Variants in BIVM observed in about 807,000 individuals in gnomAD.
BIVM encodes the protein basic, immunoglobulin-like variable motif containing, also known as basic immunoglobulin-like variable motif-containing protein.
BIVM carries 31 observed loss-of-function variants against 61.4 expected under a neutral mutation model. The ratio of observed to expected loss-of-function variants is 0.51; its 90% confidence interval spans 0.38 to 0.68. The LOEUF (loss-of-function observed/expected upper bound fraction) is 0.68. Ranked by LOEUF, BIVM falls within the 30% of genes least tolerant of loss-of-function variation. The pLI, the probability that BIVM is intolerant of heterozygous loss-of-function variation, is 0.00. For synonymous variants in BIVM, 189 were observed against 210.7 expected, an observed-to-expected ratio of 0.90 and a Z score of 0.89; for missense variants, 526 against 596.0, an observed-to-expected ratio of 0.88 and a Z score of 1.22.
intron 3 of BIVM, among the ~76,000 whole-genome samples, chr13:102,814,550 C>CTT (rs1177611824): frequency 1.1e-4 from 17 of 152,124 alleles, no homozygotes; most frequent in African/African-American, 1.7e-4. Flanking sequence ...GCTGGGAAAA[C>CTT]TACTTAGGGA....
chr13:102,837,397 G>A (rs1363966042), intron 9 of BIVM, among the ~76,000 whole-genome samples: 1 of 152,122 alleles, frequency 6.6e-6, no homozygotes, highest in Non-Finnish European at 1.5e-5. Flanking sequence ...TTTTCAGTAT[G>A]GAGTTTTATG....
chr13:102,834,379 C>G, intron 8 of BIVM, 87 bp from the exon 9 acceptor site: 1 of 1,324,662 alleles, frequency 7.5e-7, no homozygotes, highest in Non-Finnish European at 1.0e-6. Context: ...TGAATACACT[C>G]TAGTATGCCT....
chr13:102,822,884 G>C (rs1880392403), intron 7 of BIVM, among the ~76,000 whole-genome samples: 1 of 152,186 alleles, frequency 6.6e-6, no homozygotes, highest in South Asian at 2.1e-4. Context: ...TGAGAGATCA[G>C]GCTCAGCTCT....
intron 9 of BIVM, among the ~76,000 whole-genome samples, chr13:102,836,790 ATCTG>A (rs1209633118): frequency 1.3e-5 from 2 of 152,116 alleles, no homozygotes; most frequent in Non-Finnish European, 2.9e-5. Context: ...TGTCCTACTA[ATCTG>A]TCTGTCCTTT....
intron 10 of BIVM, among the ~76,000 whole-genome samples, chr13:102,839,241 C>T (rs1317109583): frequency 6.6e-6 from 1 of 152,082 alleles, no homozygotes; most frequent in Non-Finnish European, 1.5e-5. Context: ...CAATCTTACT[C>T]ATATAACTAT....
intron 3 of BIVM, among the ~76,000 whole-genome samples, chr13:102,812,695 C>T (rs1417677448): frequency 6.6e-6 from 1 of 152,074 alleles, no homozygotes. Flanking sequence ...TTTGAAATGT[C>T]TGGCTCCCCA....
At chr13:102,801,100 A>G (rs1388768012) in intron 1 of BIVM, among the ~76,000 whole-genome samples, 1 of 152,254 alleles carries the variant, frequency 6.6e-6, no homozygotes, top group Non-Finnish European at 1.5e-5. Flanking sequence ...TTGAACAATC[A>G]TGACTCTGGC....
intron 3 of BIVM, among the ~76,000 whole-genome samples, chr13:102,814,917 A>C (rs561374486): frequency 3.1e-4 from 47 of 152,134 alleles, no homozygotes; most frequent in African/African-American, 1.1e-3. Context: ...GGTCGCACGC[A>C]CTTGTGGTCC....
At position 102,821,032 on chromosome 13, in the gene BIVM, C is replaced by T; in HGVS notation, c.606-5C>T. 1 of 1,607,180 alleles carries T rather than the reference C, an allele frequency of 6.2e-7. No individual in the cohort carries two copies. Among genetic ancestry groups the T allele is most frequent in the Middle Eastern group, 1.7e-4 (1 of 6,032 alleles). On this transcript the variant is annotated splice_polypyrimidine_tract_variant and splice_region_variant and intron_variant, in intron 4 of 10. Coordinates refer to ENST00000257336, the MANE Select transcript of BIVM (RefSeq NM_017693.4). ...AGTGAAGAAAACAGTCTTTTGTGTT[C>T]TCAGGTACTGCATAAGCCGACCACA...
chr13:102,827,891 A>T (rs1345779934), intron 7 of BIVM, among the ~76,000 whole-genome samples: 1 of 152,194 alleles, frequency 6.6e-6, no homozygotes, highest in Non-Finnish European at 1.5e-5. Flanking sequence ...TGGAAGAAAG[A>T]GTTGCAGAGA....
At chr13:102,824,843 T>C (rs1880550991) in intron 7 of BIVM, among the ~76,000 whole-genome samples, 2 of 152,340 alleles carry the variant, frequency 1.3e-5, no homozygotes, top group South Asian at 4.1e-4. Context: ...TACTGCAGCC[T>C]TGAACTCCTA....
At chr13:102,801,312 A>AC (rs1878743722) in intron 1 of BIVM, among the ~76,000 whole-genome samples, 1 of 151,570 alleles carries the variant, frequency 6.6e-6, no homozygotes, top group Non-Finnish European at 1.5e-5. Context: ...CAATGGTGCA[A>AC]CTGTAACCTC....
rs762369645 is a variant in BIVM, at chr13:102,839,733, G to A, written c.1380G>A (p.Lys460=). 5 of 1,614,178 alleles carry A rather than the reference G, an allele frequency of 3.1e-6. No individual in the cohort carries two copies. In the South Asian group the frequency reaches 4.4e-5, roughly 14 times the overall value. Reference sequence around the variant, plus strand: ...AGAGTGAAGACAATATTTCCAAGAAGCAGCATGGGCGTCTGGGCCGGTCTT... The same window carrying A: ...AGAGTGAAGACAATATTTCCAAGAAACAGCATGGGCGTCTGGGCCGGTCTT... ...KSESEDNISK[K]QHGRLGRSFS... Residue 460 remains lysine (K), a synonymous_variant, in exon 11 of 11, where the codon AAG becomes AAA. Coordinates refer to ENST00000257336, the MANE Select transcript of BIVM (RefSeq NM_017693.4).
chr13:102,807,210 A>C lies in BIVM; in HGVS notation c.-58A>C. On this transcript the variant is annotated 5_prime_UTR_variant, in exon 3 of 11. Transcript: ENST00000257336. The surrounding 1 kb of genome is among the most constrained non-coding windows in gnomAD (Gnocchi z 4.0). ...TAAACAATTGTCAAAGTTGTTTATCAAGAAACAGATAGAGTTGCAACTTGT... is the reference window on the plus strand; with the variant it reads ...TAAACAATTGTCAAAGTTGTTTATCCAGAAACAGATAGAGTTGCAACTTGT... 2.0e-6 allele frequency: 3 copies of C among 1,504,682 alleles called. No individual in the cohort carries two copies. Among genetic ancestry groups the C allele is most frequent in the Non-Finnish European group, 2.7e-6 (3 of 1,125,198 alleles). The allele number at this position is 1,504,682 out of a possible 1,614,324, so 93.2% of individuals were successfully genotyped here. A position where few individuals can be genotyped will look rare whatever the true frequency, so the allele number is the denominator to read the frequency against.
intron 9 of BIVM, 35 bp downstream of exon 9, chr13:102,834,587 G>T: frequency 1.3e-6 from 2 of 1,547,674 alleles, no homozygotes; most frequent in Non-Finnish European, 1.7e-6. Context: ...TTTAATTGAG[G>T]TAACATTTAG....
rs1176026973 is a variant in BIVM, at chr13:102,834,462, T to G, written c.1035-4T>G. The G allele has an allele frequency of 5.0e-6, 8 of 1,592,446 alleles. No individual in the cohort carries two copies. Among genetic ancestry groups the G allele is most frequent in the Non-Finnish European group, 6.8e-6 (8 of 1,173,420 alleles). ...AACGTACTGTGAATGTATTTTATAT[T>G]TAGCAGGGGACCTCTCTCACCACAG... On this transcript the variant is annotated splice_polypyrimidine_tract_variant and splice_region_variant and intron_variant, in intron 8 of 10. Transcript: ENST00000257336.
chr13:102,822,173 T>C lies in BIVM; in HGVS notation c.901+14T>C, dbSNP rs373385824. 27 of 1,609,370 alleles carry C rather than the reference T, an allele frequency of 1.7e-5. No individual in the cohort carries two copies. Among genetic ancestry groups the C allele is most frequent in the East Asian group, 8.9e-5 (4 of 44,860 alleles). ...CAGGAGAAACTGGTAGGTAAACATA[T>C]AGAAGATTTACATACACACATACAC... On this transcript the variant is annotated intron_variant, in intron 7 of 10. Transcript: ENST00000257336.
chr13:102,836,946 CT>C (rs1881518123), intron 9 of BIVM, among the ~76,000 whole-genome samples: 1 of 152,000 alleles, frequency 6.6e-6, no homozygotes, highest in African/African-American at 2.4e-5. Flanking sequence ...AGAATTTGTC[CT>C]TTTAATTAGA....
intron 4 of BIVM, among the ~76,000 whole-genome samples, chr13:102,818,906 G>A (rs1013842421): frequency 1.3e-5 from 2 of 152,084 alleles, no homozygotes; most frequent in East Asian, 1.9e-4. Context: ...ATACATGCAT[G>A]CAATACTTTG....
Sources: gnomAD v4.1 joint callset for allele counts (sites outside exome capture counted in the v4.1 genomes callset) on GRCh38, gnomAD v4.1.1 for gene constraint, Gnocchi (gnomAD v3.1) non-coding constraint, MANE v1.5 for transcripts, NCBI Gene and HGNC (gene_info 2026-07-23, HGNC 2026-07-21) for gene names.